The following STXBP5 variants were observed in gnomAD, a reference collection of about 807,000 sequenced individuals.
The protein encoded by STXBP5 is syntaxin-binding protein 5.
STXBP5 carries 50 observed loss-of-function variants against 152.4 expected under a neutral mutation model. That is an observed-to-expected ratio of 0.33 (90% CI 0.26 to 0.42). STXBP5 has a LOEUF of 0.42. Ranked by LOEUF, STXBP5 falls within the 10% of genes least tolerant of loss-of-function variation. The pLI is 1.00. For synonymous variants in STXBP5, 492 were observed against 494.7 expected (o/e 0.99, Z 0.07); for missense variants, 1,167 against 1,388.6 (o/e 0.84, Z 2.54).
intron 26 of STXBP5, among the ~76,000 whole-genome samples, chr6:147,381,117 C>T (rs987684002): frequency 2.2e-4 from 34 of 152,020 alleles, no homozygotes; most frequent in African/African-American, 8.0e-4. Context: ...AAACCCTGCC[C>T]CCATGATTCA....
intron 4 of STXBP5, among the ~76,000 whole-genome samples, chr6:147,255,398 A>C (rs1369592582): frequency 6.6e-6 from 1 of 152,216 alleles, no homozygotes; most frequent in African/African-American, 2.4e-5. Flanking sequence ...TCATGAAGCA[A>C]TCTCCCATAT....
chr6:147,272,087 C>G (rs1276730886), intron 7 of STXBP5, among the ~76,000 whole-genome samples: 2 of 152,130 alleles, frequency 1.3e-5, no homozygotes, highest in African/African-American at 4.8e-5. Flanking sequence ...AATGCTTAAT[C>G]TAAGTAGCTC....
intron 2 of STXBP5, among the ~76,000 whole-genome samples, chr6:147,208,390 T>A (rs1776678698): frequency 6.6e-6 from 1 of 152,168 alleles, no homozygotes; most frequent in South Asian, 2.1e-4. Flanking sequence ...TTTCCATATA[T>A]GTGCTTTCAG....
chr6:147,323,323 C>T (rs772910232), intron 16 of STXBP5, among the ~76,000 whole-genome samples: 4 of 152,120 alleles, frequency 2.6e-5, no homozygotes, highest in Non-Finnish European at 5.9e-5. Flanking sequence ...TGTTCTACTT[C>T]GTCTTACCTA....
At chr6:147,225,718 T>A (rs1297110656) in intron 2 of STXBP5, among the ~76,000 whole-genome samples, 1 of 152,216 alleles carries the variant, frequency 6.6e-6, no homozygotes, top group Non-Finnish European at 1.5e-5. Flanking sequence ...ACTTTATCAC[T>A]GACTGCGGGC....
intron 9 of STXBP5, among the ~76,000 whole-genome samples, chr6:147,299,064 C>A (rs548307637): frequency 4.6e-5 from 7 of 151,708 alleles, no homozygotes; most frequent in African/African-American, 1.4e-4. Context: ...AATAAAAATA[C>A]CAAATATCAA....
chr6:147,256,867 T>C (rs934538673), intron 4 of STXBP5, among the ~76,000 whole-genome samples: 1 of 152,194 alleles, frequency 6.6e-6, no homozygotes, highest in Non-Finnish European at 1.5e-5. Flanking sequence ...TGACATTTTC[T>C]ATTATGTTGG....
At chr6:147,378,163 T>A (rs1457853520) in intron 26 of STXBP5, among the ~76,000 whole-genome samples, 4 of 151,958 alleles carry the variant, frequency 2.6e-5, no homozygotes, top group Non-Finnish European at 5.9e-5. Flanking sequence ...AAAAAATAAT[T>A]CAACTCTCAC....
chr6:147,338,551 A>G (rs1205766564), intron 19 of STXBP5, among the ~76,000 whole-genome samples: 1 of 151,994 alleles, frequency 6.6e-6, no homozygotes, highest in African/African-American at 2.4e-5. Flanking sequence ...ATCTTAAAGA[A>G]ATGTTAGGTA....
At chr6:147,323,648 T>C (rs1158883714) in intron 16 of STXBP5, among the ~76,000 whole-genome samples, 3 of 152,178 alleles carry the variant, frequency 2.0e-5, no homozygotes, top group Non-Finnish European at 1.5e-5. Flanking sequence ...CACCTCGGCC[T>C]CCCAAAGTGC....
At chr6:147,289,868 A>G (rs886336996) in intron 8 of STXBP5, among the ~76,000 whole-genome samples, 12 of 152,204 alleles carry the variant, frequency 7.9e-5, no homozygotes, top group African/African-American at 2.9e-4. Context: ...AATGTTTGTC[A>G]CCAGGGATAC....
At chr6:147,332,500 A>G (rs1783625450) in intron 18 of STXBP5, among the ~76,000 whole-genome samples, 2 of 152,194 alleles carry the variant, frequency 1.3e-5, no homozygotes, top group Admixed American at 1.3e-4. Flanking sequence ...GTCAAACAAG[A>G]AACATTTCAT....
intron 8 of STXBP5, 144 bp downstream of exon 8, chr6:147,278,348 C>A (rs772968098): frequency 4.9e-6 from 4 of 820,334 alleles, no homozygotes; most frequent in African/African-American, 1.8e-5. Context: ...AATATTTACA[C>A]TTATAGAAAT....
At chr6:147,213,718 G>C (rs556811171) in intron 2 of STXBP5, among the ~76,000 whole-genome samples, 1 of 152,064 alleles carries the variant, frequency 6.6e-6, no homozygotes, top group South Asian at 2.1e-4. Flanking sequence ...TTCCTGACCT[G>C]ATTTGCTATA....
Position 147,310,955 on chromosome 6 carries a change from A to T in STXBP5, c.1073-500A>T, listed in dbSNP as rs371339280. ...CACCATATTATAGACAAATTGACAC[A>T]TACAATTAACCATCAGAGCTAGTGT... On this transcript the variant is annotated intron_variant, in intron 10 of 27. Coordinates refer to ENST00000321680, the MANE Select transcript of STXBP5 (RefSeq NM_001127715.4). 3.1e-3 allele frequency among the ~76,000 whole-genome samples: 465 copies of T among 152,274 alleles called. 2 individuals carry two copies. The highest frequency in any genetic ancestry group is 0.011 in the African/African-American group (447 of 41,568).
At chr6:147,364,250 TG>T in intron 25 of STXBP5, 84 bp downstream of exon 25, 1 of 1,277,522 alleles carries the variant, frequency 7.8e-7, no homozygotes, top group South Asian at 1.5e-5. Context: ...CTTATTCTCA[TG>T]GAACTATACA....
chr6:147,276,222 C>T (rs1348786000), intron 7 of STXBP5, among the ~76,000 whole-genome samples: 2 of 152,196 alleles, frequency 1.3e-5, no homozygotes, highest in Admixed American at 6.5e-5. Context: ...TTAGAAAACA[C>T]GTCTTGTATT....
chr6:147,342,716 CA>C lies in STXBP5; in HGVS notation c.2254+3335del, dbSNP rs538966794. Among the ~76,000 whole-genome samples the C allele has an allele frequency of 1.3e-3, 199 of 152,120 alleles. 1 individual carries two copies. Among genetic ancestry groups the C allele is most frequent in the Non-Finnish European group, 2.5e-3 (170 of 67,956 alleles). On this transcript the variant is annotated intron_variant, in intron 21 of 27. Transcript: ENST00000321680. ...AAAAATTTGAAAGTATAGAGTTTCA[CA>C]AAGCTTTTTGTTATTTTTAATTTAT...
intron 8 of STXBP5, among the ~76,000 whole-genome samples, chr6:147,288,799 A>T (rs1781126524): frequency 6.6e-6 from 1 of 152,150 alleles, no homozygotes; most frequent in Non-Finnish European, 1.5e-5. Context: ...GGGAAGAAAC[A>T]CTTGAAAGAG....
Sources: allele counts gnomAD v4.1 joint callset (sites outside exome capture counted in the v4.1 genomes callset), GRCh38; gene constraint gnomAD v4.1.1; transcripts MANE v1.5; gene names NCBI Gene and HGNC (gene_info 2026-07-23, HGNC 2026-07-21).